PTPRM: variants seen among roughly 807,000 people sequenced by gnomAD.
PTPRM encodes the protein receptor-type tyrosine-protein phosphatase mu.
Under a neutral mutation model 186.7 loss-of-function variants are expected in PTPRM, and 47 were observed. That is an observed-to-expected ratio of 0.25 (90% confidence interval 0.20 to 0.32). The LOEUF (loss-of-function observed/expected upper bound fraction) is 0.32, where lower values mean the gene tolerates loss of function less well. Among genes scored for constraint, PTPRM ranks in the 10% least tolerant of loss-of-function variants. The probability of loss-of-function intolerance (pLI) is 1.00; values close to 1 mark genes in which losing one functional copy is unlikely to be tolerated. For missense variants in PTPRM, 1,494 were observed against 1,865.0 expected (o/e 0.80, Z 3.66); for synonymous variants, 668 against 674.9 (o/e 0.99, Z 0.16).
chr18:7,623,811 G>A (rs1165663360), intron 1 of PTPRM, among the ~76,000 whole-genome samples: 1 of 152,116 alleles, frequency 6.6e-6, no homozygotes, highest in Non-Finnish European at 1.5e-5. Flanking sequence ...TGAGGTAGGT[G>A]GCATTGTTCC....
At chr18:8,012,898 A>G (rs2084625845) in intron 7 of PTPRM, among the ~76,000 whole-genome samples, 1 of 152,106 alleles carries the variant, frequency 6.6e-6, no homozygotes, top group African/African-American at 2.4e-5. Context: ...TGGGAAACAC[A>G]TGAAAGAGCT....
At chr18:7,957,829 A>G (rs887099907) in intron 7 of PTPRM, among the ~76,000 whole-genome samples, 2 of 152,212 alleles carry the variant, frequency 1.3e-5, no homozygotes, top group Admixed American at 1.3e-4. Context: ...GCTGTAAATT[A>G]TAGACTGAAA....
chr18:8,229,528 T>C (rs1297474850), intron 14 of PTPRM, among the ~76,000 whole-genome samples: 3 of 152,196 alleles, frequency 2.0e-5, no homozygotes, highest in African/African-American at 7.2e-5. Context: ...ATTGGGTGTA[T>C]TTTTTATCTC....
intron 14 of PTPRM, among the ~76,000 whole-genome samples, chr18:8,239,129 A>C (rs931382257): frequency 5.1e-5 from 7 of 138,552 alleles, no homozygotes; most frequent in Non-Finnish European, 1.1e-4. Context: ...ATATCTCCTA[A>C]TGCTATCCCT....
At chr18:8,109,225 G>A (rs1194047750) in intron 11 of PTPRM, among the ~76,000 whole-genome samples, 2 of 152,176 alleles carry the variant, frequency 1.3e-5, no homozygotes, top group African/African-American at 2.4e-5. Flanking sequence ...CAGGGAAACA[G>A]CAAATTATGG....
intron 14 of PTPRM, among the ~76,000 whole-genome samples, chr18:8,170,344 T>C (rs1306814467): frequency 6.6e-6 from 1 of 152,170 alleles, no homozygotes; most frequent in Non-Finnish European, 1.5e-5. Flanking sequence ...ATGGCTGTGC[T>C]GGCCGCACAG....
intron 3 of PTPRM, among the ~76,000 whole-genome samples, chr18:7,903,708 C>T (rs1217900859): frequency 6.6e-6 from 1 of 152,158 alleles, no homozygotes; most frequent in Non-Finnish European, 1.5e-5. Flanking sequence ...TTGTGCCTTT[C>T]CTCTCCGCTG....
chr18:8,150,692 G>A (rs1026251264), intron 14 of PTPRM, among the ~76,000 whole-genome samples: 11 of 152,002 alleles, frequency 7.2e-5, no homozygotes, highest in Non-Finnish European at 1.5e-4. Flanking sequence ...TCCCTTGCTG[G>A]CGAGGAATTA....
chr18:7,671,446 A>C (rs16952317), intron 1 of PTPRM, among the ~76,000 whole-genome samples: 13,828 of 152,200 alleles, frequency 0.091, 729 homozygotes, highest in South Asian at 0.14. Context: ...GAGGGGTCAC[A>C]GTCCAGCAGT....
At chr18:7,893,968 G>A (rs1416590168) in intron 3 of PTPRM, among the ~76,000 whole-genome samples, 1 of 152,114 alleles carries the variant, frequency 6.6e-6, no homozygotes, top group Non-Finnish European at 1.5e-5. Flanking sequence ...GGCCTGAGGT[G>A]TCAGCCTAAT....
intron 11 of PTPRM, among the ~76,000 whole-genome samples, chr18:8,090,089 T>C (rs2090631130): frequency 6.6e-6 from 1 of 152,192 alleles, no homozygotes; most frequent in Non-Finnish European, 1.5e-5. Context: ...TCGAGTGATG[T>C]GCTTGACACT....
intron 1 of PTPRM, among the ~76,000 whole-genome samples, chr18:7,589,365 C>A (rs917809881): frequency 8.5e-5 from 13 of 152,192 alleles, no homozygotes; most frequent in African/African-American, 2.9e-4. Context: ...CTACCTGATC[C>A]TAGCACAGAA....
At chr18:8,208,005 T>G (rs911208075) in intron 14 of PTPRM, among the ~76,000 whole-genome samples, 1 of 152,150 alleles carries the variant, frequency 6.6e-6, no homozygotes. Flanking sequence ...AAAAGAAAAC[T>G]TTAAGCATTC....
At chr18:8,261,982 G>T (rs150951671) in intron 19 of PTPRM, among the ~76,000 whole-genome samples, 1 of 151,908 alleles carries the variant, frequency 6.6e-6, no homozygotes, top group Non-Finnish European at 1.5e-5. Flanking sequence ...GAACGTGCCC[G>T]TGTGCCAGCA....
At chr18:7,929,986 G>A (rs752807633) in intron 5 of PTPRM, among the ~76,000 whole-genome samples, 62 of 152,134 alleles carry the variant, frequency 4.1e-4, no homozygotes, top group Non-Finnish European at 1.6e-4. Context: ...TCTGTGATTC[G>A]AATCTCTCTC....
intron 14 of PTPRM, among the ~76,000 whole-genome samples, chr18:8,243,158 G>A (rs1740294200): frequency 6.6e-6 from 1 of 152,144 alleles, no homozygotes; most frequent in Non-Finnish European, 1.5e-5. Flanking sequence ...TAAGTCTTCT[G>A]GCTTTTGTAC....
At chr18:8,353,313 C>A (rs1255267726) in intron 23 of PTPRM, among the ~76,000 whole-genome samples, 1 of 152,092 alleles carries the variant, frequency 6.6e-6, no homozygotes, top group Admixed American at 6.6e-5. Flanking sequence ...TTTGTTTGTT[C>A]ACTTTAATGG....
intron 20 of PTPRM, among the ~76,000 whole-genome samples, chr18:8,310,835 A>T (rs2095262538): frequency 6.6e-6 from 1 of 152,222 alleles, no homozygotes; most frequent in South Asian, 2.1e-4. Context: ...GGCATATAGC[A>T]GATACTCAAA....
intron 20 of PTPRM, among the ~76,000 whole-genome samples, chr18:8,300,215 G>A (rs2095141587): frequency 2.6e-5 from 4 of 152,096 alleles, no homozygotes; most frequent in African/African-American, 7.2e-5. Context: ...GTGAGTGGAC[G>A]AGTGGCAGAC....
Sources: gnomAD v4.1 joint callset for allele counts (sites outside exome capture counted in the v4.1 genomes callset) on GRCh38, gnomAD v4.1.1 for gene constraint, MANE v1.5 for transcripts, NCBI Gene and HGNC (gene_info 2026-07-23, HGNC 2026-07-21) for gene names.